Variants in NBEA observed in about 807,000 individuals in gnomAD.
NBEA encodes the protein neurobeachin.
In NBEA, 44 loss-of-function variants were observed where a neutral mutation model predicts 343.4. The ratio of observed to expected loss-of-function variants is 0.13; its 90% CI spans 0.10 to 0.16. NBEA has a LOEUF of 0.16. Ranked by LOEUF, NBEA falls within the 10% of genes least tolerant of loss-of-function variation. The probability of loss-of-function intolerance (pLI) is 1.00; values close to 1 mark genes in which losing one functional copy is unlikely to be tolerated. For missense variants in NBEA, 2,555 were observed against 3,631.3 expected, an observed-to-expected ratio of 0.70 and a Z score of 7.62; for synonymous variants, 1,175 against 1,238.7, an observed-to-expected ratio of 0.95 and a Z score of 1.08.
At chr13:35,574,858 T>C (rs1593263405) in intron 45 of NBEA, among the ~76,000 whole-genome samples, 1 of 150,082 alleles carries the variant, frequency 6.7e-6, no homozygotes, top group Admixed American at 6.6e-5. Context: ...CAAGCAATTC[T>C]CCTGCCTCAG....
chr13:35,202,317 G>C (rs2073077701), intron 31 of NBEA, among the ~76,000 whole-genome samples: 1 of 152,122 alleles, frequency 6.6e-6, no homozygotes. Flanking sequence ...AAGTATCTAA[G>C]GAATATGCCC....
chr13:35,178,772 C>G (rs1251295082), intron 28 of NBEA, among the ~76,000 whole-genome samples: 2 of 151,290 alleles, frequency 1.3e-5, no homozygotes, highest in African/African-American at 2.4e-5. Context: ...ATAAAAACCA[C>G]AATGTAAGAA....
At chr13:35,604,246 T>C (rs549893822) in intron 47 of NBEA, among the ~76,000 whole-genome samples, 3 of 152,232 alleles carry the variant, frequency 2.0e-5, no homozygotes, top group Non-Finnish European at 4.4e-5. Context: ...AGTATGGTTT[T>C]TCTTTCAGCC....
At chr13:35,450,919 A>G (rs530931159) in intron 39 of NBEA, among the ~76,000 whole-genome samples, 1 of 152,192 alleles carries the variant, frequency 6.6e-6, no homozygotes, top group South Asian at 2.1e-4. Flanking sequence ...CTTTCAGTTC[A>G]GATAATTTTA....
At chr13:35,352,893 A>C (rs117144035) in intron 38 of NBEA, among the ~76,000 whole-genome samples, 5,307 of 152,224 alleles carry the variant, frequency 0.035, 137 homozygotes, top group Non-Finnish European at 0.053. Context: ...TTCTCCCTAA[A>C]GTTTTGTGGA....
chr13:35,288,774 A>G (rs1054926254), intron 34 of NBEA, among the ~76,000 whole-genome samples: 12 of 152,000 alleles, frequency 7.9e-5, no homozygotes, highest in African/African-American at 2.9e-4. Flanking sequence ...CTTATTGTCT[A>G]AATTTACATG....
intron 38 of NBEA, among the ~76,000 whole-genome samples, chr13:35,380,650 G>C (rs73502719): frequency 1.3e-5 from 2 of 151,990 alleles, no homozygotes; most frequent in Non-Finnish European, 2.9e-5. Flanking sequence ...TGCCAAATTT[G>C]CTTACTAGTT....
At chr13:35,655,899 A>G in intron 55 of NBEA, 150 bp downstream of exon 55, 1 of 659,390 alleles carries the variant, frequency 1.5e-6, no homozygotes, top group South Asian at 2.0e-5. Flanking sequence ...GAACGTAGCT[A>G]TGTTCAAAGT....
intron 38 of NBEA, among the ~76,000 whole-genome samples, chr13:35,420,473 G>A (rs1037939014): frequency 1.3e-5 from 2 of 151,836 alleles, no homozygotes; most frequent in Non-Finnish European, 2.9e-5. Flanking sequence ...TTGGTCTGTA[G>A]TTTTCTTTTT....
At chr13:35,275,949 A>G (rs1486354307) in intron 34 of NBEA, among the ~76,000 whole-genome samples, 5 of 152,160 alleles carry the variant, frequency 3.3e-5, no homozygotes, top group South Asian at 2.1e-4. Flanking sequence ...GTATATACCT[A>G]TGTAACAAAC....
At chr13:35,394,335 C>T (rs968799478) in intron 38 of NBEA, among the ~76,000 whole-genome samples, 4 of 152,122 alleles carry the variant, frequency 2.6e-5, no homozygotes, top group Non-Finnish European at 2.9e-5. Context: ...TTTCTTCCCT[C>T]ACTCCCTTAC....
chr13:35,613,122 C>T (rs1593368019), intron 48 of NBEA, among the ~76,000 whole-genome samples: 1 of 149,770 alleles, frequency 6.7e-6, no homozygotes, highest in East Asian at 2.0e-4. Context: ...ACTACAGTCA[C>T]TTTGCTGTGC....
At chr13:35,385,377 A>T (rs995486431) in intron 38 of NBEA, among the ~76,000 whole-genome samples, 1 of 152,146 alleles carries the variant, frequency 6.6e-6, no homozygotes, top group Non-Finnish European at 1.5e-5. Context: ...AATTTACAAC[A>T]TTAAGAAATT....
chr13:35,557,635 C>G (rs1594965994), intron 44 of NBEA, among the ~76,000 whole-genome samples: 2 of 152,010 alleles, frequency 1.3e-5, no homozygotes, highest in Non-Finnish European at 2.9e-5. Flanking sequence ...TATGACTAAA[C>G]ATGAAAGCCT....
intron 1 of NBEA, among the ~76,000 whole-genome samples, chr13:34,982,608 G>T (rs549078863): frequency 3.3e-5 from 5 of 152,038 alleles, no homozygotes; most frequent in African/African-American, 1.2e-4. Context: ...ACCTGATTTC[G>T]AATTTAAATC....
In NBEA at chr13:35,518,810, G is replaced by A. The variant is rs569457124; in HGVS notation, c.6586-31667G>A. ...GAGAGAATGTTTTCTGCATCCTACC[G>A]AGCTTTGATTTGGGGCGGTGTGGGG... On this transcript the variant is annotated intron_variant, in intron 41 of 58. Transcript: ENST00000379939. Among the ~76,000 whole-genome samples the A allele has an allele frequency of 1.7e-4, 26 of 152,186 alleles. 1 individual carries two copies. Among genetic ancestry groups the A allele is most frequent in the South Asian group, 4.2e-4 (2 of 4,816 alleles).
At chr13:35,094,808 AC>A (rs2065251695) in intron 10 of NBEA, among the ~76,000 whole-genome samples, 1 of 151,980 alleles carries the variant, frequency 6.6e-6, no homozygotes, top group Non-Finnish European at 1.5e-5. Context: ...AAGAGATGAA[AC>A]CTTTTAAAAA....
At chr13:35,584,151 G>A in intron 46 of NBEA, 113 bp downstream of exon 46, 1 of 1,095,956 alleles carries the variant, frequency 9.1e-7, no homozygotes, top group Non-Finnish European at 1.4e-6. Flanking sequence ...AGAGACGAGT[G>A]AAGTAGAAAT....
intron 7 of NBEA, among the ~76,000 whole-genome samples, chr13:35,057,046 A>G (rs1379778972): frequency 2.0e-5 from 3 of 152,160 alleles, no homozygotes; most frequent in African/African-American, 7.2e-5. Context: ...AAGGGTCCTT[A>G]CGGTTTCTCT....
Sources: gnomAD v4.1 joint callset for allele counts (sites outside exome capture counted in the v4.1 genomes callset) on GRCh38, gnomAD v4.1.1 for gene constraint, MANE v1.5 for transcripts, NCBI Gene and HGNC (gene_info 2026-07-23, HGNC 2026-07-21) for gene names.